WDR33: variants seen among roughly 807,000 people sequenced by gnomAD.
The protein encoded by WDR33 is WD repeat domain 33, also known as pre-mRNA 3' end processing protein WDR33.
A neutral mutation model predicts 164.9 loss-of-function variants in WDR33; 47 were observed. The ratio of observed to expected loss-of-function variants is 0.29; its 90% CI spans 0.23 to 0.36. The LOEUF (loss-of-function observed/expected upper bound fraction) is 0.36. WDR33 is among the 10% of genes least tolerant of loss of function. The pLI is 1.00. For missense variants in WDR33, 1,137 were observed against 1,754.1 expected (o/e 0.65, Z 6.28); for synonymous variants, 505 against 589.0 (o/e 0.86, Z 2.06).
At chr2:127,776,173 GACACAGACA>G (rs1425665996) in intron 1 of WDR33, among the ~76,000 whole-genome samples, 2 of 152,086 alleles carry the variant, frequency 1.3e-5, no homozygotes, top group African/African-American at 4.8e-5. Context: ...TGAAGATTAG[GACACAGACA>G]ACACAGACAA....
intron 1 of WDR33, among the ~76,000 whole-genome samples, chr2:127,779,472 A>T (rs1176921046): frequency 6.6e-6 from 1 of 152,160 alleles, no homozygotes; most frequent in East Asian, 1.9e-4. Context: ...TTTCAAAAAA[A>T]AAGTTAAAAA....
In WDR33 at chr2:127,719,167, T is replaced by C; in HGVS notation, c.2760+98A>G. 7.7e-7 allele frequency: 1 copy of C among 1,291,406 alleles called. No individual in the cohort carries two copies. The highest frequency in any genetic ancestry group is 9.9e-7 in the Non-Finnish European group (1 of 1,010,838). 80.0% of individuals were successfully genotyped at this position (1,291,406 alleles called of 1,614,324 possible). ...CTACTGTCACTACTTGATAAGTATT[T>C]ATATCCAGCTGTGACCATTTTCCAC... On this transcript the variant is annotated intron_variant, in intron 16 of 21. Coordinates refer to ENST00000322313, the MANE Select transcript of WDR33 (RefSeq NM_018383.5). This position sits in a 1 kb window ranked among gnomAD's most constrained non-coding sequence, Gnocchi z 6.5.
At position 127,713,574 on chromosome 2, in the gene WDR33, C is replaced by T. The variant is rs778001863; in HGVS notation, c.3308+9G>A. ...AAGATGGAATGGGCCCACAAAGTAT[C>T]TGTCCCACCTTTCTTCTCTGCGCCC... On this transcript the variant is annotated intron_variant, in intron 18 of 21. Coordinates refer to ENST00000322313, the MANE Select transcript of WDR33 (RefSeq NM_018383.5). The surrounding 1 kb of genome is among the most constrained non-coding windows in gnomAD (Gnocchi z 6.2). 2 of 1,613,874 alleles carry T rather than the reference C, an allele frequency of 1.2e-6. No individual in the cohort carries two copies. Among genetic ancestry groups the T allele is most frequent in the Non-Finnish European group, 1.7e-6 (2 of 1,179,906 alleles).
intron 7 of WDR33, among the ~76,000 whole-genome samples, chr2:127,756,474 G>A (rs1687525638): frequency 6.7e-6 from 1 of 150,286 alleles, no homozygotes; most frequent in South Asian, 2.1e-4. Context: ...CTTTATTAAA[G>A]AATCTACTCA....
In WDR33 at chr2:127,770,366, TACTAC is replaced by T. The variant is rs985229218; in HGVS notation, c.204+407_204+411del. Among the ~76,000 whole-genome samples, 6 of 152,154 alleles carry T rather than the reference TACTAC, an allele frequency of 3.9e-5. No individual in the cohort carries two copies. The highest frequency in any genetic ancestry group is 1.2e-4 in the African/African-American group (5 of 41,444). On this transcript the variant is annotated intron_variant, in intron 2 of 21. Transcript: ENST00000322313. This position sits in a 1 kb window ranked among gnomAD's most constrained non-coding sequence, Gnocchi z 4.9. ...TTCAACTAACACAGGTATACATACT[TACTAC>T]ACTACATCTAGAAAATCATCTTCTT... is the stretch of plus-strand genomic sequence containing the variant.
chr2:127,778,753 GA>G (rs71394694), intron 1 of WDR33, among the ~76,000 whole-genome samples: 2 of 151,802 alleles, frequency 1.3e-5, no homozygotes, highest in African/African-American at 2.4e-5. Flanking sequence ...AGACACTTGA[GA>G]AAAAAAAGTA....
At chr2:127,784,330 A>G (rs778880711) in intron 1 of WDR33, among the ~76,000 whole-genome samples, 6 of 152,194 alleles carry the variant, frequency 3.9e-5, no homozygotes, top group Non-Finnish European at 8.8e-5. Flanking sequence ...TCCCAAAAAC[A>G]AGCACTAATT....
chr2:127,760,170 A>G (rs1340908285), intron 7 of WDR33, among the ~76,000 whole-genome samples: 2 of 152,202 alleles, frequency 1.3e-5, no homozygotes, highest in Non-Finnish European at 2.9e-5. Context: ...AATGTCTGTG[A>G]GTAGAAGGCT....
intron 7 of WDR33, among the ~76,000 whole-genome samples, chr2:127,727,585 G>A (rs1250373842): frequency 2.6e-5 from 4 of 151,916 alleles, no homozygotes; most frequent in Admixed American, 2.0e-4. Flanking sequence ...TCCAAGGATG[G>A]TTACTTCAGT....
rs994155521 is a variant in WDR33 at position 127,724,759 on chromosome 2, G to C, written c.1085+128C>G. Reference sequence around the variant, plus strand: ...TATTCCAAGCTGGATTTACAGAACTGAAAACTGCAAGCAGTCTCTGATATA... The same window carrying C: ...TATTCCAAGCTGGATTTACAGAACTCAAAACTGCAAGCAGTCTCTGATATA... On this transcript the variant is annotated intron_variant, in intron 10 of 21. Transcript: ENST00000322313. The surrounding 1 kb of genome is among the most constrained non-coding windows in gnomAD (Gnocchi z 4.8). 17 of 1,046,040 alleles carry C rather than the reference G, an allele frequency of 1.6e-5. No individual in the cohort carries two copies. Among genetic ancestry groups the C allele is most frequent in the Middle Eastern group, 4.2e-4 (2 of 4,766 alleles). The allele number at this position is 1,046,040 out of a possible 1,614,324, so 64.8% of individuals were successfully genotyped here. A position where few individuals can be genotyped will look rare whatever the true frequency, so the allele number is the denominator to read the frequency against.
rs947958601 is a variant in WDR33 at position 127,733,055 on chromosome 2, G to A, written c.725-6278C>T. ...TTAATGGAAAATTCACCCAGGTAAC[G>A]AGAGTTTTTGTAGCCTGGTGACTAG... is the stretch of plus-strand genomic sequence containing the variant. On this transcript the variant is annotated intron_variant, in intron 7 of 21. Coordinates refer to ENST00000322313, the MANE Select transcript of WDR33 (RefSeq NM_018383.5). Among the ~76,000 whole-genome samples, 18 of 152,156 alleles carry A rather than the reference G, an allele frequency of 1.2e-4. 1 individual carries two copies. The highest frequency in any genetic ancestry group is 4.1e-4 in the South Asian group (2 of 4,832).
At chr2:127,793,204 G>T (rs1035117823) in intron 1 of WDR33, among the ~76,000 whole-genome samples, 1 of 152,130 alleles carries the variant, frequency 6.6e-6, no homozygotes, top group African/African-American at 2.4e-5. Flanking sequence ...GCCGAGGCAG[G>T]TGGATCATCT....
Position 127,706,581 on chromosome 2 carries a change from T to A in WDR33, c.3782-29A>T. ...AAACAAAGAAAATTTCACATGGGACTTTTTGTATTAGCAACTGTTTGTCAG... is the reference window on the plus strand; with the variant it reads ...AAACAAAGAAAATTTCACATGGGACATTTTGTATTAGCAACTGTTTGTCAG... On this transcript the variant is annotated intron_variant, in intron 21 of 21. Transcript: ENST00000322313. This position sits in a 1 kb window ranked among gnomAD's most constrained non-coding sequence, Gnocchi z 5.1. 2 of 1,574,350 alleles carry A rather than the reference T, an allele frequency of 1.3e-6. No individual in the cohort carries two copies. Among genetic ancestry groups the A allele is most frequent in the Non-Finnish European group, 8.6e-7 (1 of 1,160,806 alleles).
intron 7 of WDR33, chr2:127,737,142 T>C (rs1686868334): frequency 3.0e-6 from 3 of 985,316 alleles, no homozygotes; most frequent in African/African-American, 1.7e-5. Flanking sequence ...TTTTAAAGGC[T>C]ACTTTGCAGA....
chr2:127,735,722 T>G lies in WDR33; in HGVS notation c.725-8945A>C, dbSNP rs184410432. 1,208 of 985,646 alleles carry G rather than the reference T, an allele frequency of 1.2e-3. No homozygotes were observed. The highest frequency in any genetic ancestry group is 1.4e-3 in the Non-Finnish European group (1,154 of 829,932). The allele number at this position is 985,646 out of a possible 1,614,324, so 61.1% of individuals were successfully genotyped here. A position where few individuals can be genotyped will look rare whatever the true frequency, so the allele number is the denominator to read the frequency against. On this transcript the variant is annotated intron_variant, in intron 7 of 21. Transcript: ENST00000322313. This position sits in a 1 kb window ranked among gnomAD's most constrained non-coding sequence, Gnocchi z 4.3. ...CATGGCCCATAGCCAGATACTCCAG[T>G]TGGACAGAGGATTTAAGATTTTAAA...
Position 127,713,875 on chromosome 2 carries a change from G to A in WDR33, c.3016C>T (p.His1006Tyr), listed in dbSNP as rs771639906. The change falls in exon 18 of 22, where the codon CAC (histidine) becomes TAC (tyrosine). Residue 1006 changes from histidine to tyrosine, a missense_variant. This residue lies in a region of WDR33 where 867 missense variants were observed against 1,073.0 expected (regional missense o/e 0.81). Coordinates refer to ENST00000322313, the MANE Select transcript of WDR33 (RefSeq NM_018383.5). The surrounding 1 kb of genome is among the most constrained non-coding windows in gnomAD (Gnocchi z 6.2). ...CRGPPDRRGPHPDFPDDFSRP... is the reference protein window; with the variant it reads ...CRGPPDRRGPYPDFPDDFSRP... ...CTGAAGTCATCGGGGAAGTCTGGGT[G>A]AGGGCCACGCCTATCAGGGGGACCC... The A allele has an allele frequency of 1.9e-6, 3 of 1,614,248 alleles. No individual in the cohort carries two copies. Among genetic ancestry groups the A allele is most frequent in the Non-Finnish European group, 2.5e-6 (3 of 1,180,048 alleles).
chr2:127,783,648 A>C (rs1401046845), intron 1 of WDR33, among the ~76,000 whole-genome samples: 1 of 117,372 alleles, frequency 8.5e-6, no homozygotes, highest in Admixed American at 1.2e-4. Flanking sequence ...TCTGGTGCCC[A>C]GGCTGGAGTA....
intron 1 of WDR33, among the ~76,000 whole-genome samples, chr2:127,797,571 G>T (rs1689082963): frequency 6.6e-6 from 1 of 152,066 alleles, no homozygotes; most frequent in African/African-American, 2.4e-5. Context: ...TGTAAAAGTG[G>T]GAACACTAAA....
chr2:127,718,124 C>T lies in WDR33; in HGVS notation c.2761-861G>A, dbSNP rs1686340452. On this transcript the variant is annotated intron_variant, in intron 16 of 21. Coordinates refer to ENST00000322313, the MANE Select transcript of WDR33 (RefSeq NM_018383.5). This position sits in a 1 kb window ranked among gnomAD's most constrained non-coding sequence, Gnocchi z 4.4. ...TCAGACATCATCAGATTCTCCATGA[C>T]TACGACACTTTTAGGTTCTGGAAGA... Among the ~76,000 whole-genome samples, 2 of 152,168 alleles carry T rather than the reference C, an allele frequency of 1.3e-5. No homozygotes were observed. Among genetic ancestry groups the T allele is most frequent in the South Asian group, 4.1e-4 (2 of 4,832 alleles).
Sources: allele counts gnomAD v4.1 joint callset (sites outside exome capture counted in the v4.1 genomes callset), GRCh38; gene constraint gnomAD v4.1.1; regional missense constraint gnomAD v4.1.1; non-coding constraint Gnocchi (gnomAD v3.1); transcripts MANE v1.5; gene names NCBI Gene and HGNC (gene_info 2026-07-23, HGNC 2026-07-21).